Variants in ARNT2 observed in about 807,000 individuals in gnomAD.
ARNT2 encodes the protein aryl hydrocarbon receptor nuclear translocator 2.
In ARNT2, 36 loss-of-function variants were observed where a neutral mutation model predicts 91.7. That is an observed-to-expected ratio of 0.39 (90% CI 0.30 to 0.52). ARNT2 has a LOEUF of 0.52. ARNT2 is among the 20% of genes least tolerant of loss of function. The pLI is 0.72. For missense variants in ARNT2, 775 were observed against 939.3 expected (o/e 0.83, Z 2.29); for synonymous variants, 365 against 347.1 (o/e 1.05, Z -0.57).
intron 3 of ARNT2, among the ~76,000 whole-genome samples, chr15:80,469,901 C>T (rs1226011108): frequency 1.3e-5 from 2 of 152,226 alleles, no homozygotes; most frequent in East Asian, 3.8e-4. Flanking sequence ...AGATGTGAGC[C>T]ACCGTGCCCA....
rs185911796 is a variant in ARNT2 at position 80,494,731 on chromosome 15, C to T, written c.623-13425C>T. The stretch of plus-strand genomic sequence containing the variant: ...AGTTCTCAGGCTTTTCAGAGAGCCA[C>T]GAGAGCCCAGTTGTCGAGGTGGGAG... On this transcript the variant is annotated intron_variant, in intron 5 of 18. Coordinates refer to ENST00000303329, the MANE Select transcript of ARNT2 (RefSeq NM_014862.4). 6.8e-4 allele frequency among the ~76,000 whole-genome samples: 104 copies of T among 152,182 alleles called. 1 individual carries two copies. The highest frequency in any genetic ancestry group is 2.3e-3 in the African/African-American group (97 of 41,524).
At chr15:80,528,261 C>T (rs559543803) in intron 8 of ARNT2, among the ~76,000 whole-genome samples, 1 of 152,246 alleles carries the variant, frequency 6.6e-6, no homozygotes, top group African/African-American at 2.4e-5. Context: ...ATTCCAGAGT[C>T]TGAATGCTTA....
At chr15:80,526,277 A>G (rs1399466797) in intron 8 of ARNT2, among the ~76,000 whole-genome samples, 1 of 152,204 alleles carries the variant, frequency 6.6e-6, no homozygotes, top group Non-Finnish European at 1.5e-5. Context: ...CTAATGCTTC[A>G]GGTGTTCATT....
chr15:80,511,591 A>G (rs1382693721), intron 6 of ARNT2, among the ~76,000 whole-genome samples: 2 of 152,146 alleles, frequency 1.3e-5, no homozygotes, highest in Non-Finnish European at 2.9e-5. Flanking sequence ...GTAGTTCTGG[A>G]ATCCAAGGAA....
intron 8 of ARNT2, among the ~76,000 whole-genome samples, chr15:80,543,163 A>T (rs1403385694): frequency 1.3e-5 from 2 of 151,310 alleles, no homozygotes; most frequent in Non-Finnish European, 2.9e-5. Flanking sequence ...GCCCACAAAC[A>T]TATGTTTACC....
intron 5 of ARNT2, among the ~76,000 whole-genome samples, chr15:80,489,746 C>T (rs1036412392): frequency 6.6e-6 from 1 of 152,234 alleles, no homozygotes; most frequent in Non-Finnish European, 1.5e-5. Flanking sequence ...CCCTTGCCAT[C>T]GTCTTAGCAC....
intron 3 of ARNT2, 33 bp downstream of exon 3, chr15:80,458,009 A>T (rs1221601787): frequency 1.3e-6 from 2 of 1,594,334 alleles, no homozygotes; most frequent in Admixed American, 1.7e-5. Context: ...AGACTTAAAG[A>T]AGGCAATAGC....
chr15:80,530,524 A>C (rs1220571189), intron 8 of ARNT2, among the ~76,000 whole-genome samples: 1 of 151,982 alleles, frequency 6.6e-6, no homozygotes, highest in African/African-American at 2.4e-5. Flanking sequence ...TCTTCCCTCC[A>C]CCCATTCTTG....
intron 5 of ARNT2, among the ~76,000 whole-genome samples, chr15:80,483,275 T>C (rs1307060368): frequency 6.6e-6 from 1 of 151,358 alleles, no homozygotes; most frequent in Non-Finnish European, 1.5e-5. Context: ...GTTTGAGAAC[T>C]GCTGAACTAA....
chr15:80,537,178 C>A (rs1168452852), intron 8 of ARNT2, among the ~76,000 whole-genome samples: 1 of 152,202 alleles, frequency 6.6e-6, no homozygotes, highest in Non-Finnish European at 1.5e-5. Flanking sequence ...AGCTTCTCAG[C>A]CACTTGGTTT....
chr15:80,485,055 T>A (rs943250502), intron 5 of ARNT2, among the ~76,000 whole-genome samples: 13 of 152,262 alleles, frequency 8.5e-5, no homozygotes, highest in Non-Finnish European at 1.2e-4. Context: ...GTTTGGGAAT[T>A]GTAGAGAGTT....
intron 5 of ARNT2, among the ~76,000 whole-genome samples, chr15:80,491,980 G>A (rs1357463105): frequency 6.6e-6 from 1 of 151,898 alleles, no homozygotes; most frequent in Non-Finnish European, 1.5e-5. Flanking sequence ...ATCTACACAG[G>A]TGTACGTCTA....
At chr15:80,441,333 T>C in intron 1 of ARNT2, 1 of 985,326 alleles carries the variant, frequency 1.0e-6, no homozygotes, top group Non-Finnish European at 1.2e-6. Context: ...CCTAAGAAGG[T>C]GTTGGTCACA....
chr15:80,436,014 C>T (rs1010443490), intron 1 of ARNT2: 1 of 152,184 alleles, frequency 6.6e-6, no homozygotes, highest in African/African-American at 2.4e-5. Flanking sequence ...CAAGTCATCC[C>T]CTCCTTCATC....
rs111326279 is a variant in ARNT2 at position 80,585,056 on chromosome 15, G to C, written c.1918+3652G>C. On this transcript the variant is annotated intron_variant, in intron 17 of 18. Coordinates refer to ENST00000303329, the MANE Select transcript of ARNT2 (RefSeq NM_014862.4). ...AAAAAACGCCCCTGCCTGGGTCTCAGCCCTTTCTGTGAAACACATGCTGGT... is the reference window on the plus strand; with the variant it reads ...AAAAAACGCCCCTGCCTGGGTCTCACCCCTTTCTGTGAAACACATGCTGGT... 2.0e-3 allele frequency among the ~76,000 whole-genome samples: 311 copies of C among 152,338 alleles called. 2 individuals are homozygous for C. The highest frequency in any genetic ancestry group is 6.2e-3 in the African/African-American group (257 of 41,586).
rs114606642 is a variant in ARNT2 at position 80,537,682 on chromosome 15, A to C, written c.878-13517A>C. On this transcript the variant is annotated intron_variant, in intron 8 of 18. Coordinates refer to ENST00000303329, the MANE Select transcript of ARNT2 (RefSeq NM_014862.4). ...AGAAAAGGGCAAGAATAAACATATA[A>C]AATATTTGTGTACCTCCAAAAATTC... 5.9e-3 allele frequency among the ~76,000 whole-genome samples: 904 copies of C among 152,284 alleles called. 9 individuals are homozygous for C. The highest frequency in any genetic ancestry group is 0.021 in the African/African-American group (866 of 41,544).
intron 5 of ARNT2, among the ~76,000 whole-genome samples, chr15:80,484,266 G>A (rs1163961762): frequency 2.6e-5 from 4 of 151,676 alleles, no homozygotes; most frequent in African/African-American, 9.7e-5. Flanking sequence ...TAGAAATAAA[G>A]CATTTTTATG....
rs560178205 is a variant in ARNT2 at position 80,540,246 on chromosome 15, T to A, written c.878-10953T>A. Among the ~76,000 whole-genome samples the A allele has an allele frequency of 1.2e-4, 18 of 152,336 alleles. No individual in the cohort carries two copies. The South Asian group carries it at 3.7e-3, about 32-fold the overall frequency. On this transcript the variant is annotated intron_variant, in intron 8 of 18. Coordinates refer to ENST00000303329, the MANE Select transcript of ARNT2 (RefSeq NM_014862.4). ...AGAAACTGCTAGACTGTTTTCTGAA[T>A]AGTCGCACCATTTTACATTTCCACC...
rs760912984 is a variant in ARNT2, at chr15:80,591,611, G to A, written c.1962G>A (p.Ser654=). 116 of 1,614,156 alleles carry A rather than the reference G, an allele frequency of 7.2e-5. 4 individuals carry two copies. In the South Asian group the frequency reaches 1.1e-3, roughly 16 times the overall value. The part of the protein sequence containing the change: ...QSSGQFQGRP[S]EVWSQWQSQH... ...GCGGGCAGTTCCAAGGGCGGCCCTCGGAAGTCTGGTCGCAGTGGCAAAGCC... is the reference window on the plus strand; with the variant it reads ...GCGGGCAGTTCCAAGGGCGGCCCTCAGAAGTCTGGTCGCAGTGGCAAAGCC... The change falls in exon 18 of 19, where the codon TCG becomes TCA. Residue 654 remains serine (S), a synonymous_variant. Coordinates refer to ENST00000303329, the MANE Select transcript of ARNT2 (RefSeq NM_014862.4). This position sits in a 1 kb window ranked among gnomAD's most constrained non-coding sequence, Gnocchi z 5.1.
Sources: allele counts gnomAD v4.1 joint callset (sites outside exome capture counted in the v4.1 genomes callset), GRCh38; gene constraint gnomAD v4.1.1; non-coding constraint Gnocchi (gnomAD v3.1); transcripts MANE v1.5; gene names NCBI Gene and HGNC (gene_info 2026-07-23, HGNC 2026-07-21).